The following GNE variants were observed in gnomAD, a reference collection of about 807,000 sequenced individuals.
GNE encodes the protein bifunctional UDP-N-acetylglucosamine 2-epimerase/N-acetylmannosamine kinase.
Under a neutral mutation model 61.8 loss-of-function variants are expected in GNE, and 41 were observed. The ratio of observed to expected loss-of-function variants is 0.66; its 90% CI spans 0.52 to 0.86. The LOEUF (loss-of-function observed/expected upper bound fraction) is 0.86. Ranked by LOEUF, GNE falls within the 40% of genes least tolerant of loss-of-function variation. The pLI, the probability that GNE is intolerant of heterozygous loss-of-function variation, is 0.00. For synonymous variants in GNE, 264 were observed against 326.4 expected (o/e 0.81, Z 2.06); for missense variants, 608 against 909.1 (o/e 0.67, Z 4.26).
intron 7 of GNE, 118 bp from the exon 8 acceptor site, chr9:36,223,620 G>C: frequency 9.5e-7 from 1 of 1,050,494 alleles, no homozygotes; most frequent in Non-Finnish European, 1.4e-6. Flanking sequence ...CGCAGTCTTA[G>C]ATGACTGCTT....
rs145474123 is a variant in GNE at position 36,244,664 on chromosome 9, G to T, written c.616+1367C>A. On this transcript the variant is annotated intron_variant, in intron 3 of 11. Transcript: ENST00000642385. ...CATTAAAAATAAAAATGAGCCAGGC[G>T]CGGTGGCTCATGCCTGTAATCTCAG... 2.6e-5 allele frequency among the ~76,000 whole-genome samples: 4 copies of T among 151,540 alleles called. No homozygotes were observed. The East Asian group carries it at 5.8e-4, about 22-fold the overall frequency.
intron 3 of GNE, among the ~76,000 whole-genome samples, chr9:36,244,877 T>C (rs1477346297): frequency 6.7e-6 from 1 of 149,132 alleles, no homozygotes; most frequent in Non-Finnish European, 1.5e-5. Context: ...GAAGTGGAGG[T>C]TGCAGTGAGC....
At chr9:36,235,982 C>A (rs1829373928) in intron 4 of GNE, among the ~76,000 whole-genome samples, 2 of 152,174 alleles carry the variant, frequency 1.3e-5, no homozygotes, top group Non-Finnish European at 2.9e-5. Flanking sequence ...TCAGCAGTAC[C>A]AAAATCTATA....
chr9:36,237,524 G>A (rs755796547), intron 3 of GNE, among the ~76,000 whole-genome samples: 5 of 152,038 alleles, frequency 3.3e-5, no homozygotes, highest in Non-Finnish European at 5.9e-5. Flanking sequence ...TCCCAAGGAC[G>A]GTTCCTCAGC....
At chr9:36,259,300 G>A (rs1407777203), upstream of GNE, among the ~76,000 whole-genome samples, 1 of 152,194 alleles carries the variant, frequency 6.6e-6, no homozygotes, top group Non-Finnish European at 1.5e-5. Context: ...CTAGCTTGAG[G>A]CCAGGAGTTC....
chr9:36,274,769 C>T (rs1423788760), intron 1 of GNE, among the ~76,000 whole-genome samples: 1 of 151,258 alleles, frequency 6.6e-6, no homozygotes, highest in Non-Finnish European at 1.5e-5. Flanking sequence ...GTCGCCCAGG[C>T]TGGAGTGCCG....
At chr9:36,261,443 C>T (rs1830613935), upstream of GNE, among the ~76,000 whole-genome samples, 2 of 151,718 alleles carry the variant, frequency 1.3e-5, no homozygotes, top group South Asian at 4.2e-4. Context: ...GTCCCGGCTA[C>T]TTGGGAGGCC....
chr9:36,267,305 G>A (rs1302508223), intron 1 of GNE, among the ~76,000 whole-genome samples: 1 of 152,210 alleles, frequency 6.6e-6, no homozygotes, highest in African/African-American at 2.4e-5. Context: ...CTGTGGTGGT[G>A]AGCCATCCCT....
chr9:36,220,615 CA>C (rs1038971847), intron 9 of GNE, among the ~76,000 whole-genome samples: 1 of 152,124 alleles, frequency 6.6e-6, no homozygotes, highest in Non-Finnish European at 1.5e-5. Flanking sequence ...TGGTCACCTC[CA>C]AAAAACCATA....
intron 5 of GNE, among the ~76,000 whole-genome samples, chr9:36,231,066 T>TAAAAAA (rs529903965): frequency 4.1e-4 from 28 of 68,328 alleles, no homozygotes; most frequent in African/African-American, 1.0e-3. Context: ...ACTGCTTCAC[T>TAAAAAA]AAAAAAAAAA....
At chr9:36,235,060 GTTA>G (rs1029806325) in intron 4 of GNE, among the ~76,000 whole-genome samples, 10 of 152,082 alleles carry the variant, frequency 6.6e-5, no homozygotes, top group Non-Finnish European at 1.5e-4. Flanking sequence ...TGAAATATTT[GTTA>G]TTCTGTAATA....
In GNE at chr9:36,222,773, T is replaced by C; in HGVS notation, c.1633+4A>G. 6.2e-7 allele frequency: 1 copy of C among 1,601,656 alleles called. No homozygotes were observed. Among genetic ancestry groups the C allele is most frequent in the Middle Eastern group, 1.7e-4 (1 of 5,884 alleles). On this transcript the variant is annotated splice_donor_region_variant and intron_variant, in intron 9 of 11. Transcript: ENST00000642385. ...CTGAACCAACCTCCCCCTACCCCTC[T>C]TACCTGTGCCTGTGATAAGTGTAAC...
At chr9:36,254,046 A>T (rs1419124115) in intron 1 of GNE, among the ~76,000 whole-genome samples, 2 of 151,960 alleles carry the variant, frequency 1.3e-5, no homozygotes, top group African/African-American at 4.8e-5. Flanking sequence ...CAAAAAAAGA[A>T]AAAGAAAAAT....
intron 1 of GNE, among the ~76,000 whole-genome samples, chr9:36,251,079 C>G (rs1172003251): frequency 6.6e-6 from 1 of 152,200 alleles, no homozygotes; most frequent in East Asian, 1.9e-4. Context: ...AAACTGCCTC[C>G]AGTTCAACTA....
intron 2 of GNE, among the ~76,000 whole-genome samples, chr9:36,247,950 C>T (rs1173114863): frequency 4.7e-5 from 7 of 149,174 alleles, no homozygotes; most frequent in East Asian, 2.0e-4. Flanking sequence ...CACTTGAACC[C>T]GGGAGGTGGA....
chr9:36,258,344 C>T lies in GNE; in HGVS notation c.-66G>A. 1.0e-6 allele frequency: 1 copy of T among 985,544 alleles called. No homozygotes were observed. Among genetic ancestry groups the T allele is most frequent in the Non-Finnish European group, 1.2e-6 (1 of 830,030 alleles). The allele number at this position is 985,544 out of a possible 1,614,324, so 61.0% of individuals were successfully genotyped here. A position where few individuals can be genotyped will look rare whatever the true frequency, so the allele number is the denominator to read the frequency against. On this transcript the variant is annotated 5_prime_UTR_variant, in exon 1 of 12. Coordinates refer to ENST00000642385, the MANE Select transcript of GNE (RefSeq NM_005476.7). The stretch of plus-strand genomic sequence containing the variant: ...ACCAGACGCCGTCAGAGGCTCCCTC[C>T]CACGCCGCCACCGCGCTCCTCGGGC...
rs184668185 is a variant in GNE, at chr9:36,235,541, T to C, written c.769+1291A>G. Among the ~76,000 whole-genome samples the C allele has an allele frequency of 5.3e-3, 801 of 152,272 alleles. 9 individuals are homozygous for C. The highest frequency in any genetic ancestry group is 0.018 in the African/African-American group (749 of 41,550). ...AAGTATATACAGCCAGGAAAGTGTA[T>C]TATAAACAGAATATATCATTGACAA... On this transcript the variant is annotated intron_variant, in intron 4 of 11. Transcript: ENST00000642385.
At chr9:36,232,344 T>A (rs672023) in intron 5 of GNE, among the ~76,000 whole-genome samples, 11 of 126,232 alleles carry the variant, frequency 8.7e-5, no homozygotes, top group African/African-American at 3.2e-4. Flanking sequence ...CCGCCCCCCC[T>A]CCCGACATTC....
At chr9:36,221,107 A>G (rs1587279984) in intron 9 of GNE, among the ~76,000 whole-genome samples, 1 of 152,230 alleles carries the variant, frequency 6.6e-6, no homozygotes. Flanking sequence ...GATCACCTGA[A>G]GCCAGAAGTT....
Sources: gnomAD v4.1 joint callset for allele counts (sites outside exome capture counted in the v4.1 genomes callset) on GRCh38, gnomAD v4.1.1 for gene constraint, MANE v1.5 for transcripts, NCBI Gene and HGNC (gene_info 2026-07-23, HGNC 2026-07-21) for gene names.